HNMT: variants seen among roughly 807,000 people sequenced by gnomAD.
The protein encoded by HNMT is histamine N-methyltransferase.
Under a neutral mutation model 32.1 loss-of-function variants are expected in HNMT, and 30 were observed. The ratio of observed to expected loss-of-function variants is 0.93; its 90% CI spans 0.70 to 1.27. HNMT has a LOEUF of 1.27. Among genes scored for constraint, HNMT ranks in the 50% most tolerant of loss-of-function variants. The pLI is 0.00. For synonymous variants in HNMT, 125 were observed against 119.0 expected, an observed-to-expected ratio of 1.05 and a Z score of -0.33; for missense variants, 327 against 346.0, an observed-to-expected ratio of 0.95 and a Z score of 0.43.
chr2:137,981,915 G>A (rs1573653128), intron 2 of HNMT, among the ~76,000 whole-genome samples: 1 of 152,032 alleles, frequency 6.6e-6, no homozygotes, highest in African/African-American at 2.4e-5. Flanking sequence ...GTGCAGTGCC[G>A]CGATCTAGGC....
chr2:138,003,535 CT>C (rs1404602875), intron 4 of HNMT, among the ~76,000 whole-genome samples: 1 of 152,108 alleles, frequency 6.6e-6, no homozygotes, highest in Non-Finnish European at 1.5e-5. Flanking sequence ...CTGATGAAAT[CT>C]TTTGCCTGTC....
intron 2 of HNMT, among the ~76,000 whole-genome samples, chr2:137,984,402 C>T (rs1473700322): frequency 1.3e-5 from 2 of 152,162 alleles, no homozygotes; most frequent in African/African-American, 4.8e-5. Context: ...TGATGTTTTG[C>T]AAGTCCAACA....
chr2:137,970,214 G>T lies in HNMT; in HGVS notation c.187G>T (p.Ala63Ser), dbSNP rs140361130. 1.0e-5 allele frequency: 16 copies of T among 1,532,522 alleles called. No individual in the cohort carries two copies. The Admixed American group carries it at 2.8e-4, about 27-fold the overall frequency. The allele number at this position is 1,532,522 out of a possible 1,614,324, so 94.9% of individuals were successfully genotyped here. The change falls in exon 2 of 6, where the codon GCA becomes TCA. Residue 63 changes from alanine (A) to serine (S), a missense_variant. Coordinates refer to ENST00000280097, the MANE Select transcript of HNMT (RefSeq NM_006895.3). ...EIKILSIGGGAGEIDLQILSK... is the reference protein window; with the variant it reads ...EIKILSIGGGSGEIDLQILSK... ...TAAGATTCTAAGCATAGGCGGAGGT[G>T]CAGGTATGAGTAATATATTTTTAAA...
intron 3 of HNMT, 114 bp from the exon 4 acceptor site, chr2:138,001,950 A>G (rs751651986): frequency 2.7e-6 from 2 of 753,004 alleles, no homozygotes; most frequent in Non-Finnish European, 3.9e-6. Context: ...AGAAAGAAAA[A>G]CGTTCTTTCT....
At chr2:137,987,682 C>T (rs1191457412) in intron 2 of HNMT, among the ~76,000 whole-genome samples, 1 of 145,848 alleles carries the variant, frequency 6.9e-6, no homozygotes, top group Non-Finnish European at 1.5e-5. Flanking sequence ...ATAGTAACCC[C>T]TCATATGCCT....
intron 2 of HNMT, among the ~76,000 whole-genome samples, chr2:137,992,190 C>T (rs1005909428): frequency 6.6e-6 from 1 of 152,244 alleles, no homozygotes; most frequent in African/African-American, 2.4e-5. Flanking sequence ...CTGCTTAAGC[C>T]TACGGAACTC....
At chr2:137,993,352 G>A (rs1423183575) in intron 2 of HNMT, among the ~76,000 whole-genome samples, 1 of 152,108 alleles carries the variant, frequency 6.6e-6, no homozygotes, top group South Asian at 2.1e-4. Flanking sequence ...GTTTAGAGAG[G>A]AGCATAAACA....
At chr2:137,998,923 G>T (rs1681078221) in intron 2 of HNMT, among the ~76,000 whole-genome samples, 1 of 152,106 alleles carries the variant, frequency 6.6e-6, no homozygotes, top group South Asian at 2.1e-4. Context: ...AGTCTTTTGG[G>T]GGCAAGCTGG....
chr2:137,976,996 C>A (rs1015545679), intron 2 of HNMT, among the ~76,000 whole-genome samples: 4 of 152,006 alleles, frequency 2.6e-5, no homozygotes, highest in African/African-American at 9.7e-5. Flanking sequence ...TTAGAAACAG[C>A]AAAACAAGGG....
chr2:138,013,409 A>G (rs1681568350), intron 5 of HNMT, among the ~76,000 whole-genome samples: 1 of 151,876 alleles, frequency 6.6e-6, no homozygotes, highest in East Asian at 1.9e-4. Flanking sequence ...ATCATCCTGT[A>G]TTCAGGTCCT....
At chr2:137,999,509 C>A (rs1295863707) in intron 2 of HNMT, among the ~76,000 whole-genome samples, 1 of 152,158 alleles carries the variant, frequency 6.6e-6, no homozygotes, top group African/African-American at 2.4e-5. Context: ...ATCTTCTGTT[C>A]CTGGTTTATC....
At chr2:137,965,991 A>G (rs931632983) in intron 1 of HNMT, among the ~76,000 whole-genome samples, 1 of 152,236 alleles carries the variant, frequency 6.6e-6, no homozygotes, top group African/African-American at 2.4e-5. Context: ...TTATAACAGT[A>G]GTATATAGTT....
chr2:137,973,910 T>G (rs1680208418), intron 2 of HNMT, among the ~76,000 whole-genome samples: 1 of 151,956 alleles, frequency 6.6e-6, no homozygotes, highest in Admixed American at 6.6e-5. Context: ...TTAAGAGAGA[T>G]TGTGAGGTTT....
chr2:137,967,411 A>C, intron 1 of HNMT: 1 of 333,702 alleles, frequency 3.0e-6, no homozygotes, highest in Non-Finnish European at 5.4e-6. Context: ...CAAACAAGAG[A>C]AAAAAATAAA....
chr2:137,964,700 G>C (rs1449963003), intron 1 of HNMT, 72 bp downstream of exon 1: 2 of 1,492,306 alleles, frequency 1.3e-6, no homozygotes, highest in African/African-American at 1.4e-5. Context: ...GATGGGTCTC[G>C]CTCAGCCTCG....
At chr2:137,967,323 A>C (rs144376214) in intron 1 of HNMT, 107 of 527,062 alleles carry the variant, frequency 2.0e-4, no homozygotes, top group South Asian at 9.7e-4. Flanking sequence ...AGATCACTTA[A>C]GTCCGAGAGA....
At chr2:137,993,906 A>T (rs963598896) in intron 2 of HNMT, among the ~76,000 whole-genome samples, 2 of 152,216 alleles carry the variant, frequency 1.3e-5, no homozygotes, top group Non-Finnish European at 2.9e-5. Flanking sequence ...CTAGAATTTC[A>T]TATCCAGCCA....
At chr2:138,011,141 G>A (rs747922565) in intron 5 of HNMT, among the ~76,000 whole-genome samples, 9 of 150,818 alleles carry the variant, frequency 6.0e-5, no homozygotes, top group South Asian at 2.1e-4. Context: ...AAATGGCACC[G>A]AGTCACAGCA....
intron 2 of HNMT, among the ~76,000 whole-genome samples, chr2:137,984,624 T>C (rs138651725): frequency 2.0e-5 from 3 of 152,336 alleles, no homozygotes; most frequent in African/African-American, 7.2e-5. Flanking sequence ...TCTCAGGCTT[T>C]GATTTTTGAT....
Sources: gnomAD v4.1 joint callset for allele counts (sites outside exome capture counted in the v4.1 genomes callset) on GRCh38, gnomAD v4.1.1 for gene constraint, MANE v1.5 for transcripts, NCBI Gene and HGNC (gene_info 2026-07-23, HGNC 2026-07-21) for gene names.